Variants in TRAF3 observed in about 807,000 individuals in gnomAD.
TRAF3 encodes TNF receptor-associated factor 3.
Under a neutral mutation model 62.3 loss-of-function variants are expected in TRAF3, and 13 were observed. The ratio of observed to expected loss-of-function variants is 0.21; its 90% CI spans 0.14 to 0.33. The LOEUF is 0.33. TRAF3 is among the 10% of genes least tolerant of loss of function. The pLI, the probability that TRAF3 is intolerant of heterozygous loss-of-function variation, is 1.00. For missense variants in TRAF3, 440 were observed against 741.8 expected (o/e 0.59, Z 4.73); for synonymous variants, 269 against 283.4 (o/e 0.95, Z 0.51).
chr14:102,842,317 A>G (rs534926118), intron 2 of TRAF3, among the ~76,000 whole-genome samples: 1 of 148,298 alleles, frequency 6.7e-6, no homozygotes, highest in East Asian at 1.9e-4. Flanking sequence ...AAATTTATAT[A>G]TAGTAAAATA....
chr14:102,861,914 A>G (rs879826892), intron 2 of TRAF3, among the ~76,000 whole-genome samples: 2 of 152,212 alleles, frequency 1.3e-5, no homozygotes, highest in Non-Finnish European at 2.9e-5. Context: ...TGGTTGAGTT[A>G]TAAGAGTGCT....
rs560932548 is a variant in TRAF3, at chr14:102,805,815, G to T, written c.-156-24519G>T. Among the ~76,000 whole-genome samples, 3 of 152,314 alleles carry T rather than the reference G, an allele frequency of 2.0e-5. No individual in the cohort carries two copies. The East Asian group carries it at 5.8e-4, about 29-fold the overall frequency. On this transcript the variant is annotated intron_variant, in intron 1 of 11. Transcript: ENST00000392745. ...AATGTCAGCATGTTTTGATGTCATG[G>T]TTCAAAACCTCACTGGGATGGTTTG...
At chr14:102,873,442 G>A (rs1458600989) in intron 4 of TRAF3, among the ~76,000 whole-genome samples, 1 of 152,232 alleles carries the variant, frequency 6.6e-6, no homozygotes, top group Non-Finnish European at 1.5e-5. Flanking sequence ...AGCTCGCGAC[G>A]ATGGCTGAGA....
At chr14:102,892,119 G>A (rs1045089331) in intron 9 of TRAF3, among the ~76,000 whole-genome samples, 8 of 148,962 alleles carry the variant, frequency 5.4e-5, no homozygotes, top group Admixed American at 2.0e-4. Context: ...GCAGTGGTGC[G>A]ATCTTGGCTC....
chr14:102,854,074 A>G (rs929300897), intron 2 of TRAF3, among the ~76,000 whole-genome samples: 4 of 152,164 alleles, frequency 2.6e-5, no homozygotes, highest in African/African-American at 9.7e-5. Flanking sequence ...TATAACTTAC[A>G]TAATGTTTTC....
chr14:102,894,974 C>G, intron 9 of TRAF3: 1 of 421,002 alleles, frequency 2.4e-6, no homozygotes, highest in Non-Finnish European at 4.8e-6. Flanking sequence ...AGTGCTGAGA[C>G]TACACGTATG....
rs150650012 is a variant in TRAF3, at chr14:102,869,592, G to T, written c.-17-593G>T. Among the ~76,000 whole-genome samples, 870 of 151,998 alleles carry T rather than the reference G, an allele frequency of 5.7e-3. 9 individuals carry two copies. Among genetic ancestry groups the T allele is most frequent in the Admixed American group, 9.9e-3 (151 of 15,268 alleles). On this transcript the variant is annotated intron_variant, in intron 2 of 11. Transcript: ENST00000392745. Reference sequence around the variant, plus strand: ...GAGGCTGAGGCAGGCAGATCACGAGGTCAGGAGATTGAGATCATCCCGGCT... The same window carrying T: ...GAGGCTGAGGCAGGCAGATCACGAGTTCAGGAGATTGAGATCATCCCGGCT...
intron 2 of TRAF3, among the ~76,000 whole-genome samples, chr14:102,865,252 T>C (rs940550527): frequency 3.3e-5 from 5 of 152,178 alleles, no homozygotes; most frequent in South Asian, 2.1e-4. Context: ...CTCATTGATA[T>C]AGAAGGTCAC....
rs1555367669 is a variant in TRAF3, at chr14:102,811,757, G to GTGTGTT, written c.-156-18573_-156-18568dup. On this transcript the variant is annotated intron_variant, in intron 1 of 11. Coordinates refer to ENST00000392745, the MANE Select transcript of TRAF3 (RefSeq NM_145725.3). Reference sequence around the variant, plus strand: ...TGTGTGTGTGTGTGTGTGTGTGTGTGTGTGTTTGTACAGACTGTCTCACTC... The same window carrying GTGTGTT: ...TGTGTGTGTGTGTGTGTGTGTGTGTGTGTGTTTGTGTTTGTACAGACTGTCTCACTC... Among the ~76,000 whole-genome samples, 555 of 144,360 alleles carry GTGTGTT rather than the reference G, an allele frequency of 3.8e-3. 6 individuals are homozygous for GTGTGTT. Among genetic ancestry groups the GTGTGTT allele is most frequent in the African/African-American group, 0.014 (543 of 39,722 alleles). 94.7% of individuals were successfully genotyped at this position (144,360 alleles called of 152,430 possible).
At chr14:102,819,055 TAA>T (rs201813175) in intron 1 of TRAF3, among the ~76,000 whole-genome samples, 3 of 142,054 alleles carry the variant, frequency 2.1e-5, no homozygotes, top group Admixed American at 2.1e-4. Context: ...ACTCTGTCTC[TAA>T]AAAAAAAAAA....
At chr14:102,799,128 T>A (rs1442975739) in intron 1 of TRAF3, among the ~76,000 whole-genome samples, 2 of 152,094 alleles carry the variant, frequency 1.3e-5, no homozygotes, top group African/African-American at 4.8e-5. Flanking sequence ...AAGCAGTGGC[T>A]GATTTGGACT....
intron 1 of TRAF3, among the ~76,000 whole-genome samples, chr14:102,779,213 C>T (rs1440188720): frequency 1.3e-5 from 2 of 149,878 alleles, no homozygotes; most frequent in African/African-American, 2.5e-5. Context: ...CCATCTGTTC[C>T]AGCTGTCAAT....
rs1418141382 is a variant in TRAF3, at chr14:102,876,355, C to T, written c.403-3C>T. Reference sequence around the variant, plus strand: ...TAAGAACATTGAATGGTCTGTCTTACAGGTGCATTTAAAAAATGATTGCCA... The same window carrying T: ...TAAGAACATTGAATGGTCTGTCTTATAGGTGCATTTAAAAAATGATTGCCA... On this transcript the variant is annotated splice_polypyrimidine_tract_variant and splice_region_variant and intron_variant, in intron 5 of 11. Transcript: ENST00000392745. 1.9e-6 allele frequency: 3 copies of T among 1,613,980 alleles called. No individual in the cohort carries two copies. Among genetic ancestry groups the T allele is most frequent in the Non-Finnish European group, 2.5e-6 (3 of 1,179,914 alleles).
chr14:102,905,170 C>T (rs1423923119), intron 11 of TRAF3, 43 bp from the exon 12 acceptor site: 12 of 1,575,282 alleles, frequency 7.6e-6, no homozygotes, highest in East Asian at 4.5e-5. Flanking sequence ...ACCTCTCTGA[C>T]GTTCACCTGT....
intron 1 of TRAF3, among the ~76,000 whole-genome samples, chr14:102,780,016 C>T (rs1017847111): frequency 2.0e-5 from 3 of 152,162 alleles, no homozygotes; most frequent in African/African-American, 7.2e-5. Context: ...AGAAAAATCA[C>T]TTGGTGTTCT....
At chr14:102,816,474 T>C (rs1359232348) in intron 1 of TRAF3, among the ~76,000 whole-genome samples, 2 of 152,216 alleles carry the variant, frequency 1.3e-5, no homozygotes, top group Non-Finnish European at 2.9e-5. Context: ...ATGCAAAATA[T>C]CCTGTTAATA....
chr14:102,818,251 T>G (rs1433117141), intron 1 of TRAF3, among the ~76,000 whole-genome samples: 1 of 152,140 alleles, frequency 6.6e-6, no homozygotes, highest in Non-Finnish European at 1.5e-5. Flanking sequence ...TATTTAACAA[T>G]CAGTAGAGAT....
intron 7 of TRAF3, 133 bp downstream of exon 7, chr14:102,886,402 A>T (rs1889392261): frequency 1.3e-6 from 1 of 775,598 alleles, no homozygotes; most frequent in East Asian, 2.9e-5. Context: ...ACAAACAAAA[A>T]CCACAGCAAA....
chr14:102,793,744 G>A (rs568220029), intron 1 of TRAF3, among the ~76,000 whole-genome samples: 2 of 152,320 alleles, frequency 1.3e-5, no homozygotes, highest in African/African-American at 4.8e-5. Context: ...CTGATGCCAG[G>A]ACAGGAAAGA....
Sources: allele counts gnomAD v4.1 joint callset (sites outside exome capture counted in the v4.1 genomes callset), GRCh38; gene constraint gnomAD v4.1.1; transcripts MANE v1.5; gene names NCBI Gene and HGNC (gene_info 2026-07-23, HGNC 2026-07-21).